Variants in PCDH19 observed in about 807,000 individuals in gnomAD.
PCDH19 encodes protocadherin 19.
In PCDH19, 6 loss-of-function variants were observed where a neutral mutation model predicts 46.2. The observed-to-expected ratio is 0.13, with a 90% CI of 0.07 to 0.26. The LOEUF (loss-of-function observed/expected upper bound fraction) is 0.26, where lower values mean the gene tolerates loss of function less well. Ranked by LOEUF, PCDH19 falls within the 10% of genes least tolerant of loss-of-function variation. PCDH19 has a pLI of 1.00. For missense variants in PCDH19, 740 were observed against 972.3 expected, an observed-to-expected ratio of 0.76 and a Z score of 3.18; for synonymous variants, 481 against 415.7, an observed-to-expected ratio of 1.16 and a Z score of -1.91.
intron 3 of PCDH19, among the ~76,000 whole-genome samples, chrX:100,384,284 A>G (rs1258494545): frequency 3.6e-5 from 4 of 111,511 alleles, no homozygotes; most frequent in African/African-American, 1.3e-4. Flanking sequence ...AAACTGAAGA[A>G]AAGTATTTCC....
Position 100,401,077 on chromosome X carries a change from C to T in PCDH19, c.2616+1447G>A, listed in dbSNP as rs1204450924. On this transcript the variant is annotated intron_variant, in intron 3 of 5. Coordinates refer to ENST00000373034, the MANE Select transcript of PCDH19 (RefSeq NM_001184880.2). ...AAGATACCTGATTGTGAGGATCAAA[C>T]GAAACAATGTTTGGGAAGGTGCTTT... 3.6e-5 allele frequency among the ~76,000 whole-genome samples: 4 copies of T among 111,454 alleles called. No homozygotes were observed. The Admixed American group carries it at 3.8e-4, about 11-fold the overall frequency.
chrX:100,320,489 T>A (rs1925441059), intron 5 of PCDH19, among the ~76,000 whole-genome samples: 1 of 111,697 alleles, frequency 9.0e-6, no homozygotes, highest in Non-Finnish European at 1.9e-5. Context: ...TATTGGGATG[T>A]TAAGAGTAAT....
chrX:100,380,431 G>A (rs966900278), intron 3 of PCDH19, among the ~76,000 whole-genome samples: 3 of 110,617 alleles, frequency 2.7e-5, no homozygotes, highest in Non-Finnish European at 3.8e-5. Flanking sequence ...TTGGTGTTTT[G>A]TCCCCCCACC....
At chrX:100,329,541 G>C (rs757435243) in intron 5 of PCDH19, among the ~76,000 whole-genome samples, 1 of 112,212 alleles carries the variant, frequency 8.9e-6, no homozygotes, top group African/African-American at 3.2e-5. Flanking sequence ...TGGTGCATCA[G>C]TTTTTCTTCT....
At chrX:100,315,309 A>G (rs1157104847) in intron 5 of PCDH19, among the ~76,000 whole-genome samples, 1 of 112,471 alleles carries the variant, frequency 8.9e-6, no homozygotes, top group Non-Finnish European at 1.9e-5. Flanking sequence ...AACATGTACT[A>G]TAAAAGAAAA....
At chrX:100,398,353 T>A (rs888866239) in intron 3 of PCDH19, among the ~76,000 whole-genome samples, 4 of 112,241 alleles carry the variant, frequency 3.6e-5, no homozygotes, top group Admixed American at 1.9e-4. Context: ...CCCTTTACCT[T>A]GCCTACCTAA....
At chrX:100,311,175 C>T (rs1925121756) in intron 5 of PCDH19, among the ~76,000 whole-genome samples, 1 of 111,050 alleles carries the variant, frequency 9.0e-6, no homozygotes, top group African/African-American at 3.3e-5. Context: ...AAAAATAGTT[C>T]TGAACCTAAA....
chrX:100,304,009 G>C lies in PCDH19; in HGVS notation c.2849-7134C>G, dbSNP rs142999674. 2.3e-3 allele frequency among the ~76,000 whole-genome samples: 262 copies of C among 112,207 alleles called. 6 individuals carry two copies. In the East Asian group the frequency reaches 0.058, roughly 25 times the overall value. On this transcript the variant is annotated intron_variant, in intron 5 of 5. Transcript: ENST00000373034. ...ACATTTTTCATTCATCTGGATACAT[G>C]CATTAAAAAATGCCTGTTAAAATAA...
intron 5 of PCDH19, among the ~76,000 whole-genome samples, chrX:100,333,795 T>TTC (rs1346288076): frequency 9.4e-6 from 1 of 106,435 alleles, no homozygotes; most frequent in East Asian, 2.9e-4. Context: ...CTTCATTTTT[T>TTC]TTTTTTTTTT....
chrX:100,391,408 T>C (rs1927859034), intron 3 of PCDH19, among the ~76,000 whole-genome samples: 1 of 111,856 alleles, frequency 8.9e-6, no homozygotes, highest in Non-Finnish European at 1.9e-5. Context: ...AGAGAGGCTC[T>C]GAGTTTTGGC....
intron 2 of PCDH19, 77 bp from the exon 3 acceptor site, chrX:100,402,928 C>T: frequency 2.6e-6 from 2 of 774,623 alleles, no homozygotes; most frequent in East Asian, 3.2e-5. Flanking sequence ...TTAAGCACCC[C>T]AGAGGGTTGC....
chrX:100,313,026 C>T (rs1181403675), intron 5 of PCDH19, among the ~76,000 whole-genome samples: 1 of 111,278 alleles, frequency 9.0e-6, no homozygotes, highest in African/African-American at 3.3e-5. Context: ...TTCACCACCA[C>T]TACCACCAGT....
intron 4 of PCDH19, among the ~76,000 whole-genome samples, chrX:100,346,152 C>T (rs1348290029): frequency 8.9e-6 from 1 of 111,822 alleles, no homozygotes; most frequent in Non-Finnish European, 1.9e-5. Flanking sequence ...TTGAAAACAC[C>T]TAGAACAGGG....
intron 3 of PCDH19, among the ~76,000 whole-genome samples, chrX:100,398,553 C>G (rs1465303277): frequency 8.9e-6 from 1 of 112,028 alleles, no homozygotes; most frequent in Non-Finnish European, 1.9e-5. Context: ...TACAAAGCGA[C>G]AGGTGATCAG....
In PCDH19 at chrX:100,407,874, T is replaced by A. The variant is rs1602637358; in HGVS notation, c.724A>T (p.Thr242Ser). Reference sequence around the variant, plus strand: ...TTTTCTGGCACGCTCACCGCGTAGGTGGACTCGCTAAACACCGGGTTGTTG... The same window carrying A: ...TTTTCTGGCACGCTCACCGCGTAGGAGGACTCGCTAAACACCGGGTTGTTG... ...NDNNPVFSES[T>S]YAVSVPENSP... The change falls in exon 1 of 6, where the codon ACC becomes TCC. Residue 242 changes from threonine to serine, a missense_variant. Thr to Ser is a moderately conservative substitution (Grantham distance 58). Transcript: ENST00000373034. 8.2e-7 allele frequency: 1 copy of A among 1,212,227 alleles called. No individual in the cohort carries two copies.
At chrX:100,304,781 T>C (rs1191687196) in intron 5 of PCDH19, among the ~76,000 whole-genome samples, 1 of 112,216 alleles carries the variant, frequency 8.9e-6, no homozygotes, top group African/African-American at 3.2e-5. Context: ...CAAAATGCAC[T>C]GGAAAGTCTC....
Position 100,322,582 on chromosome X carries a change from CT to C in PCDH19, c.2848+19320del, listed in dbSNP as rs201948671. Among the ~76,000 whole-genome samples, 721 of 108,213 alleles carry C rather than the reference CT, an allele frequency of 6.7e-3. 3 individuals carry two copies. The highest frequency in any genetic ancestry group is 0.023 in the African/African-American group (675 of 29,512). 94.0% of individuals were successfully genotyped at this position (108,213 alleles called of 115,157 possible). A position where few individuals can be genotyped will look rare whatever the true frequency, so the allele number is the denominator to read the frequency against. ...TAGTCTTGCTTTGGCTACGCAGGCT[CT>C]TTTTTGGTTTCATATGAATTTTAGT... On this transcript the variant is annotated intron_variant, in intron 5 of 5. Coordinates refer to ENST00000373034, the MANE Select transcript of PCDH19 (RefSeq NM_001184880.2).
At chrX:100,398,011 CAT>C (rs1491203094) in intron 3 of PCDH19, among the ~76,000 whole-genome samples, 131 of 105,305 alleles carry the variant, frequency 1.2e-3, no homozygotes, top group Non-Finnish European at 2.3e-3. Flanking sequence ...CACACACACA[CAT>C]ACACACACAC....
intron 3 of PCDH19, among the ~76,000 whole-genome samples, chrX:100,398,421 T>C (rs1242091053): frequency 8.9e-6 from 1 of 112,414 alleles, no homozygotes; most frequent in Non-Finnish European, 1.9e-5. Context: ...CAGATGTGGC[T>C]AGGTTTGGAC....
Sources: allele counts gnomAD v4.1 joint callset (sites outside exome capture counted in the v4.1 genomes callset), GRCh38; gene constraint gnomAD v4.1.1; transcripts MANE v1.5; gene names NCBI Gene and HGNC (gene_info 2026-07-23, HGNC 2026-07-21).